SPTBN2: variants seen among roughly 807,000 people sequenced by gnomAD.
The protein encoded by SPTBN2 is spectrin beta chain, non-erythrocytic 2.
Under a neutral mutation model 284.2 loss-of-function variants are expected in SPTBN2, and 107 were observed. That is an observed-to-expected ratio of 0.38 (90% CI 0.32 to 0.44). The LOEUF (loss-of-function observed/expected upper bound fraction) is 0.44. Among genes scored for constraint, SPTBN2 ranks in the 20% least tolerant of loss-of-function variants. SPTBN2 has a pLI of 1.00. For synonymous variants in SPTBN2, 1,289 were observed against 1,354.8 expected, an observed-to-expected ratio of 0.95 and a Z score of 1.07; for missense variants, 2,569 against 3,287.1, an observed-to-expected ratio of 0.78 and a Z score of 5.34.
chr11:66,725,547 G>C (rs1942585622), intron 1 of SPTBN2, among the ~76,000 whole-genome samples: 1 of 152,178 alleles, frequency 6.6e-6, no homozygotes, highest in Non-Finnish European at 1.5e-5. Context: ...ATGACCCCCT[G>C]TCATGAGGAA....
Position 66,687,172 on chromosome 11 carries a change from G to A in SPTBN2, c.6723-5C>T, listed in dbSNP as rs537586567. On this transcript the variant is annotated splice_polypyrimidine_tract_variant and splice_region_variant and intron_variant, in intron 35 of 37. Transcript: ENST00000533211. This position sits in a 1 kb window ranked among gnomAD's most constrained non-coding sequence, Gnocchi z 5.2. ...CAGTACACGTTCTGCCAGGACCTGCGAGGGACGCGGTGCTGACTGGCCGGC... is the reference window on the plus strand; with the variant it reads ...CAGTACACGTTCTGCCAGGACCTGCAAGGGACGCGGTGCTGACTGGCCGGC... 22 of 1,613,672 alleles carry A rather than the reference G, an allele frequency of 1.4e-5. No individual in the cohort carries two copies. Among genetic ancestry groups the A allele is most frequent in the African/African-American group, 6.7e-5 (5 of 75,068 alleles).
Position 66,691,277 on chromosome 11 carries a change from G to A in SPTBN2, c.5565+7C>T. 1 of 1,523,568 alleles carries A rather than the reference G, an allele frequency of 6.6e-7. No homozygotes were observed. The highest frequency in any genetic ancestry group is 1.3e-5 in the South Asian group (1 of 76,922). 94.4% of individuals were successfully genotyped at this position (1,523,568 alleles called of 1,614,324 possible). Reference sequence around the variant, plus strand: ...GCCTCCCCCACCTCCTCATGCTTGGGTCAGACCTGGGGGCTGAGGGCCTGA... The same window carrying A: ...GCCTCCCCCACCTCCTCATGCTTGGATCAGACCTGGGGGCTGAGGGCCTGA... On this transcript the variant is annotated splice_region_variant and intron_variant, in intron 27 of 37. Transcript: ENST00000533211. The surrounding 1 kb of genome is among the most constrained non-coding windows in gnomAD (Gnocchi z 8.0).
At chr11:66,698,887 C>G (rs1941086403) in intron 19 of SPTBN2, 102 bp from the exon 20 acceptor site, 1 of 1,597,820 alleles carries the variant, frequency 6.3e-7, no homozygotes, top group African/African-American at 1.3e-5. Context: ...TGGGAAGAAG[C>G]CATGAAGGGG....
intron 1 of SPTBN2, among the ~76,000 whole-genome samples, chr11:66,742,269 T>C (rs1590999810): frequency 6.6e-6 from 1 of 152,328 alleles, no homozygotes; most frequent in African/African-American, 2.4e-5. Context: ...ATTCTCACCA[T>C]ATATCAAGCC....
intron 1 of SPTBN2, among the ~76,000 whole-genome samples, chr11:66,743,638 T>C (rs1942921185): frequency 6.6e-6 from 1 of 152,162 alleles, no homozygotes; most frequent in South Asian, 2.1e-4. Flanking sequence ...AGGACCTCCT[T>C]ATTCCAGCCA....
chr11:66,733,984 CAAA>C (rs60666832), upstream of SPTBN2, among the ~76,000 whole-genome samples: 9 of 75,752 alleles, frequency 1.2e-4, no homozygotes, highest in African/African-American at 2.9e-4. Context: ...GACTCCGTCT[CAAA>C]AAAAAAAAAA....
intron 1 of SPTBN2, among the ~76,000 whole-genome samples, chr11:66,740,319 G>A (rs183886255): frequency 7.9e-5 from 12 of 152,278 alleles, no homozygotes; most frequent in Admixed American, 7.8e-4. Context: ...ACTGTCCCAG[G>A]AAAAGAATCT....
intron 8 of SPTBN2, among the ~76,000 whole-genome samples, chr11:66,711,708 C>T (rs1267574601): frequency 6.6e-6 from 1 of 152,186 alleles, no homozygotes; most frequent in Non-Finnish European, 1.5e-5. Context: ...GACCAGAAGC[C>T]TCTTGCCTAT....
rs1942077819 is a variant in SPTBN2, at chr11:66,715,164, G to A, written c.483+58C>T. ...GTTGTGTCATGGGCCAGCAGGAACG[G>A]CTTGCGGTGCAGAGCCAGGGCAGGA... On this transcript the variant is annotated intron_variant, in intron 5 of 37. Transcript: ENST00000533211. This position sits in a 1 kb window ranked among gnomAD's most constrained non-coding sequence, Gnocchi z 5.3. 12 of 1,608,022 alleles carry A rather than the reference G, an allele frequency of 7.5e-6. No homozygotes were observed. In the South Asian group the frequency reaches 1.3e-4, roughly 18 times the overall value.
chr11:66,715,085 A>T lies in SPTBN2; in HGVS notation c.483+137T>A. On this transcript the variant is annotated intron_variant, in intron 5 of 37. Transcript: ENST00000533211. This position sits in a 1 kb window ranked among gnomAD's most constrained non-coding sequence, Gnocchi z 5.3. ...GAGTCCACTGATCTGGTGCTTGGAT[A>T]GCGCCGCCATGGCAGCTGCTACATA... is the stretch of plus-strand genomic sequence containing the variant. The T allele has an allele frequency of 9.0e-7, 1 of 1,113,248 alleles. No homozygotes were observed. Among genetic ancestry groups the T allele is most frequent in the Non-Finnish European group, 1.3e-6 (1 of 760,662 alleles). The allele number at this position is 1,113,248 out of a possible 1,614,324, so 69.0% of individuals were successfully genotyped here. A position where few individuals can be genotyped will look rare whatever the true frequency, so the allele number is the denominator to read the frequency against.
In SPTBN2 at chr11:66,682,998, C is replaced by T. The variant is rs1158296866; in HGVS notation, c.*2873G>A. On this transcript the variant is annotated 3_prime_UTR_variant, in exon 38 of 38. Coordinates refer to ENST00000533211, the MANE Select transcript of SPTBN2 (RefSeq NM_006946.4). ...TGAACTCCTGAGCTCAAGTGACCCA[C>T]TCACCTCGGCTTCCCAAAGTGCTGG... Among the ~76,000 whole-genome samples, 12 of 151,518 alleles carry T rather than the reference C, an allele frequency of 7.9e-5. 1 individual carries two copies. The highest frequency in any genetic ancestry group is 2.9e-5 in the Non-Finnish European group (2 of 67,976).
At position 66,691,188 on chromosome 11, in the gene SPTBN2, A is replaced by G; in HGVS notation, c.5565+96T>C. On this transcript the variant is annotated intron_variant, in intron 27 of 37. Coordinates refer to ENST00000533211, the MANE Select transcript of SPTBN2 (RefSeq NM_006946.4). The surrounding 1 kb of genome is among the most constrained non-coding windows in gnomAD (Gnocchi z 8.0). ...CTCGAAAGAGTGCCGTCCTCCCAGC[A>G]TTTCTGAGCTCTACCCTAGCTCCTG... is the stretch of plus-strand genomic sequence containing the variant. 6.9e-7 allele frequency: 1 copy of G among 1,441,592 alleles called. No individual in the cohort carries two copies. The highest frequency in any genetic ancestry group is 1.4e-5 in the African/African-American group (1 of 69,988). 89.3% of individuals were successfully genotyped at this position (1,441,592 alleles called of 1,614,324 possible). A position where few individuals can be genotyped will look rare whatever the true frequency, so the allele number is the denominator to read the frequency against.
At position 66,708,769 on chromosome 11, in the gene SPTBN2, C is replaced by T; in HGVS notation, c.1191+133G>A. 1.4e-6 allele frequency: 1 copy of T among 728,832 alleles called. No individual in the cohort carries two copies. The highest frequency in any genetic ancestry group is 2.4e-6 in the Non-Finnish European group (1 of 421,978). 45.1% of individuals were successfully genotyped at this position (728,832 alleles called of 1,614,324 possible). On this transcript the variant is annotated intron_variant, in intron 11 of 37. Coordinates refer to ENST00000533211, the MANE Select transcript of SPTBN2 (RefSeq NM_006946.4). This position sits in a 1 kb window ranked among gnomAD's most constrained non-coding sequence, Gnocchi z 4.4. ...ACAGTGTGGGCAGCTGGGCAGAGTG[C>T]TCGAGTTTCAAGTTGGGGCAGCAGA...
In SPTBN2 at chr11:66,708,085, C is replaced by A; in HGVS notation, c.1350+56G>T. On this transcript the variant is annotated intron_variant, in intron 12 of 37. Transcript: ENST00000533211. This position sits in a 1 kb window ranked among gnomAD's most constrained non-coding sequence, Gnocchi z 4.4. ...CCACCCCGCGGGGCTTCTTATCCAC[C>A]CTGTCTCTCTCCCAGTTCTGACCAG... The A allele has an allele frequency of 6.2e-7, 1 of 1,609,726 alleles. No individual in the cohort carries two copies. The highest frequency in any genetic ancestry group is 1.1e-5 in the South Asian group (1 of 90,984).
rs761325731 is a variant in SPTBN2 at position 66,687,649 on chromosome 11, TG to T, written c.6502-3del. The T allele has an allele frequency of 3.5e-5, 55 of 1,589,642 alleles. No homozygotes were observed. The highest frequency in any genetic ancestry group is 4.5e-5 in the East Asian group (2 of 44,478). ...GGCTTCGTCCCCTGAGCCAGGTCCC[TG>T]GGGGGGAATCAGTGTCAGTGTCAAA... On this transcript the variant is annotated splice_polypyrimidine_tract_variant and splice_region_variant and intron_variant, in intron 34 of 37. Coordinates refer to ENST00000533211, the MANE Select transcript of SPTBN2 (RefSeq NM_006946.4). The surrounding 1 kb of genome is among the most constrained non-coding windows in gnomAD (Gnocchi z 5.2).
chr11:66,700,435 C>A lies in SPTBN2; in HGVS notation c.3573+91G>T. On this transcript the variant is annotated intron_variant, in intron 17 of 37. Coordinates refer to ENST00000533211, the MANE Select transcript of SPTBN2 (RefSeq NM_006946.4). The surrounding 1 kb of genome is among the most constrained non-coding windows in gnomAD (Gnocchi z 6.6). Reference sequence around the variant, plus strand: ...CCACTGCGCTGCCCCATTTTGCTAGCATGTCCTTCCTGCCCATCCTGCTCC... The same window carrying A: ...CCACTGCGCTGCCCCATTTTGCTAGAATGTCCTTCCTGCCCATCCTGCTCC... 1 of 1,570,702 alleles carries A rather than the reference C, an allele frequency of 6.4e-7. No homozygotes were observed. The highest frequency in any genetic ancestry group is 2.2e-5 in the East Asian group (1 of 44,710).
rs1446760369 is a variant in SPTBN2, at chr11:66,710,412, C to A, written c.1073+170G>T. 6.6e-6 allele frequency among the ~76,000 whole-genome samples: 1 copy of A among 152,186 alleles called. No individual in the cohort carries two copies. The highest frequency in any genetic ancestry group is 1.5e-5 in the Non-Finnish European group (1 of 68,030). ...AGCATGATTTTTAAAAACGACTAAT[C>A]ATTAAAAAATTTTATTTTGTATCAA... On this transcript the variant is annotated intron_variant, in intron 10 of 37. Coordinates refer to ENST00000533211, the MANE Select transcript of SPTBN2 (RefSeq NM_006946.4). The surrounding 1 kb of genome is among the most constrained non-coding windows in gnomAD (Gnocchi z 4.9).
intron 3 of SPTBN2, among the ~76,000 whole-genome samples, chr11:66,717,289 T>C (rs1453414291): frequency 6.6e-6 from 1 of 152,084 alleles, no homozygotes; most frequent in African/African-American, 2.4e-5. Flanking sequence ...AGTGAAAGCA[T>C]CAGAAACTGC....
At position 66,687,989 on chromosome 11, in the gene SPTBN2, G is replaced by T. The variant is rs1565109920; in HGVS notation, c.6450+15C>A. Reference sequence around the variant, plus strand: ...CTACGACTCCGATGGGGGCACAGAGGGACAGTGGGGTCACCTGTGAGGGCT... The same window carrying T: ...CTACGACTCCGATGGGGGCACAGAGTGACAGTGGGGTCACCTGTGAGGGCT... On this transcript the variant is annotated intron_variant, in intron 33 of 37. Coordinates refer to ENST00000533211, the MANE Select transcript of SPTBN2 (RefSeq NM_006946.4). This position sits in a 1 kb window ranked among gnomAD's most constrained non-coding sequence, Gnocchi z 5.2. 6.2e-7 allele frequency: 1 copy of T among 1,614,050 alleles called. No individual in the cohort carries two copies. The highest frequency in any genetic ancestry group is 8.5e-7 in the Non-Finnish European group (1 of 1,180,016).
Sources: allele counts gnomAD v4.1 joint callset (sites outside exome capture counted in the v4.1 genomes callset), GRCh38; gene constraint gnomAD v4.1.1; non-coding constraint Gnocchi (gnomAD v3.1); transcripts MANE v1.5; gene names NCBI Gene and HGNC (gene_info 2026-07-23, HGNC 2026-07-21).